Variants in CLVS1 observed in about 807,000 individuals in gnomAD.
CLVS1 encodes the protein clavesin 1.
Under a neutral mutation model 33.1 loss-of-function variants are expected in CLVS1, and 10 were observed. That is an observed-to-expected ratio of 0.30 (90% CI 0.19 to 0.51). The LOEUF is 0.51. CLVS1 is among the 20% of genes least tolerant of loss of function. CLVS1 has a pLI of 0.97. For synonymous variants in CLVS1, 163 were observed against 166.1 expected (o/e 0.98, Z 0.14); for missense variants, 343 against 433.4 (o/e 0.79, Z 1.85).
intron 2 of CLVS1, among the ~76,000 whole-genome samples, chr8:61,222,738 T>C (rs933769804): frequency 4.6e-5 from 7 of 152,120 alleles, no homozygotes; most frequent in African/African-American, 1.4e-4. Context: ...CCTTGTTAGT[T>C]TTCTGTCTTG....
chr8:61,222,037 T>C (rs930106055), intron 2 of CLVS1, among the ~76,000 whole-genome samples: 14 of 152,234 alleles, frequency 9.2e-5, no homozygotes. Flanking sequence ...ATCTGCTTTA[T>C]CATTTTTTAT....
chr8:61,416,161 T>G (rs1815421196), intron 3 of CLVS1, among the ~76,000 whole-genome samples: 1 of 152,210 alleles, frequency 6.6e-6, no homozygotes, highest in Non-Finnish European at 1.5e-5. Context: ...ACAATCTTCC[T>G]GTTTTGCTTA....
chr8:61,271,947 G>A (rs554979717), intron 2 of CLVS1, among the ~76,000 whole-genome samples: 26 of 152,050 alleles, frequency 1.7e-4, no homozygotes, highest in African/African-American at 5.3e-4. Context: ...ACAGCACACT[G>A]ATGGGTCTGT....
chr8:61,015,281 C>T, the CLVS1 span, among the ~76,000 whole-genome samples: 1 of 152,106 alleles, frequency 6.6e-6, no homozygotes, highest in Non-Finnish European at 1.5e-5. Context: ...ATAGTTGAGG[C>T]AATTGAGGGA....
chr8:61,259,592 A>G (rs1373093452), intron 2 of CLVS1, among the ~76,000 whole-genome samples: 1 of 152,240 alleles, frequency 6.6e-6, no homozygotes, highest in Non-Finnish European at 1.5e-5. Flanking sequence ...AAGATCTGGT[A>G]ATAAAAGAAC....
chr8:61,296,783 T>A (rs1363198868), intron 1 of CLVS1, among the ~76,000 whole-genome samples: 1 of 152,152 alleles, frequency 6.6e-6, no homozygotes, highest in Non-Finnish European at 1.5e-5. Context: ...GCAGGCACTG[T>A]ATGAGGCACT....
rs1211461853 is a variant in CLVS1, at chr8:61,114,640, T to TA, written c.-242-17123dup. 3.9e-5 allele frequency among the ~76,000 whole-genome samples: 6 copies of TA among 152,194 alleles called. No homozygotes were observed. The East Asian group carries it at 9.6e-4, about 24-fold the overall frequency. On this transcript the variant is annotated intron_variant, in intron 1 of 2. Transcript: ENST00000522621. ...ATCACCTAGTACATCATTCTGAGTT[T>TA]AAAAAAACATCATTGCAAGTGAAAC... is the stretch of plus-strand genomic sequence containing the variant.
intron 3 of CLVS1, among the ~76,000 whole-genome samples, chr8:61,406,876 T>C (rs1198683166): frequency 6.6e-6 from 1 of 152,204 alleles, no homozygotes; most frequent in Non-Finnish European, 1.5e-5. Context: ...CCCAAAGTGC[T>C]GGGATTACAG....
At chr8:61,116,398 G>T (rs966887919) in intron 1 of CLVS1, among the ~76,000 whole-genome samples, 35 of 152,230 alleles carry the variant, frequency 2.3e-4, no homozygotes, top group Middle Eastern at 6.8e-3. Flanking sequence ...GTCAATTTTG[G>T]CTTTTGTTGC....
chr8:61,402,375 A>T (rs1306619854), intron 3 of CLVS1, among the ~76,000 whole-genome samples: 1 of 152,070 alleles, frequency 6.6e-6, no homozygotes, highest in East Asian at 1.9e-4. Context: ...AGGGATCCTT[A>T]TACTCCTCAC....
rs191594812 is a variant in CLVS1 at position 61,371,083 on chromosome 8, T to C, written c.456-5522T>C. On this transcript the variant is annotated intron_variant, in intron 2 of 5. Coordinates refer to ENST00000325897, the MANE Select transcript of CLVS1 (RefSeq NM_173519.3). ...TAAGGAATCTTCATGCTGTTTTCCA[T>C]AGTGGTTGTACTAGTTTACATTCCC... Among the ~76,000 whole-genome samples, 684 of 152,340 alleles carry C rather than the reference T, an allele frequency of 4.5e-3. 10 individuals are homozygous for C. Among genetic ancestry groups the C allele is most frequent in the Non-Finnish European group, 6.2e-3 (424 of 68,020 alleles).
intron 2 of CLVS1, among the ~76,000 whole-genome samples, chr8:61,262,798 C>G (rs1809233175): frequency 6.6e-6 from 1 of 152,106 alleles, no homozygotes; most frequent in Non-Finnish European, 1.5e-5. Flanking sequence ...CTGTTCTTTA[C>G]AGTTGACTTG....
chr8:61,387,242 C>A (rs1417841930), intron 3 of CLVS1, among the ~76,000 whole-genome samples: 2 of 151,830 alleles, frequency 1.3e-5, no homozygotes, highest in East Asian at 1.9e-4. Context: ...CAAAAATTAG[C>A]CGGTCATGAT....
At chr8:61,419,924 T>C (rs1349359689) in intron 3 of CLVS1, among the ~76,000 whole-genome samples, 1 of 152,252 alleles carries the variant, frequency 6.6e-6, no homozygotes, top group Admixed American at 6.5e-5. Flanking sequence ...TATTTGCTGT[T>C]CACCTATTAG....
chr8:61,360,227 C>T (rs1812919062), intron 2 of CLVS1, among the ~76,000 whole-genome samples: 1 of 152,126 alleles, frequency 6.6e-6, no homozygotes, highest in African/African-American at 2.4e-5. Flanking sequence ...CCAGGATTTG[C>T]CGTGAGTGAC....
At chr8:61,331,371 C>T (rs1811583623) in intron 2 of CLVS1, among the ~76,000 whole-genome samples, 1 of 151,868 alleles carries the variant, frequency 6.6e-6, no homozygotes, top group Non-Finnish European at 1.5e-5. Flanking sequence ...CTCTATGAGC[C>T]CATTCAGTCT....
rs537166779 is a variant in CLVS1 at position 61,136,245 on chromosome 8, G to A, written c.-152+4385G>A. ...GCACGTGGAATTCAGTGGATCTTGAGGTCAAGGGAGGCTGGAGATGTGATT... is the reference window on the plus strand; with the variant it reads ...GCACGTGGAATTCAGTGGATCTTGAAGTCAAGGGAGGCTGGAGATGTGATT... On this transcript the variant is annotated intron_variant, in intron 2 of 2. Coordinates refer to the CLVS1 transcript ENST00000522621. Among the ~76,000 whole-genome samples, 11 of 152,308 alleles carry A rather than the reference G, an allele frequency of 7.2e-5. No individual in the cohort carries two copies. The South Asian group carries it at 2.3e-3, about 32-fold the overall frequency.
chr8:61,432,567 G>A (rs188393968), intron 3 of CLVS1, among the ~76,000 whole-genome samples: 235 of 152,296 alleles, frequency 1.5e-3, no homozygotes, highest in African/African-American at 5.2e-3. Flanking sequence ...GGAAGAAACT[G>A]GCCCTGCCTC....
intron 3 of CLVS1, among the ~76,000 whole-genome samples, chr8:61,394,845 TATC>T (rs143543415): frequency 0.025 from 3,856 of 152,340 alleles, 75 homozygotes; most frequent in Admixed American, 0.04. Context: ...CACCAACACT[TATC>T]ATTCATCATT....
Sources: allele counts gnomAD v4.1 joint callset (sites outside exome capture counted in the v4.1 genomes callset), GRCh38; gene constraint gnomAD v4.1.1; transcripts MANE v1.5; gene names NCBI Gene and HGNC (gene_info 2026-07-23, HGNC 2026-07-21).